NBEA: variants seen among roughly 807,000 people sequenced by gnomAD.
The protein encoded by NBEA is neurobeachin, also known as lysosomal-trafficking regulator 2.
A neutral mutation model predicts 343.4 loss-of-function variants in NBEA; 44 were observed. That is an observed-to-expected ratio of 0.13 (90% CI 0.10 to 0.16). The LOEUF (loss-of-function observed/expected upper bound fraction) is 0.16. Ranked by LOEUF, NBEA falls within the 10% of genes least tolerant of loss-of-function variation. The pLI, the probability that NBEA is intolerant of heterozygous loss-of-function variation, is 1.00. For missense variants in NBEA, 2,555 were observed against 3,631.3 expected (o/e 0.70, Z 7.62); for synonymous variants, 1,175 against 1,238.7 (o/e 0.95, Z 1.08).
rs576444176 is a variant in NBEA at position 35,435,232 on chromosome 13, C to T, written c.6304+2839C>T. ...TTCACTGTGTTGGCCAGGCTGGTCT[C>T]GAACTCCTGACCTCAGGTGATCCAC... On this transcript the variant is annotated intron_variant, in intron 39 of 58. Coordinates refer to ENST00000379939, the MANE Select transcript of NBEA (RefSeq NM_001385012.1). 1.6e-3 allele frequency among the ~76,000 whole-genome samples: 242 copies of T among 152,170 alleles called. 1 individual carries two copies. Among genetic ancestry groups the T allele is most frequent in the African/African-American group, 4.4e-3 (183 of 41,536 alleles).
chr13:35,437,955 A>G (rs911256958), intron 39 of NBEA, among the ~76,000 whole-genome samples: 3 of 152,156 alleles, frequency 2.0e-5, no homozygotes, highest in Non-Finnish European at 2.9e-5. Context: ...TTGACTGTCA[A>G]TTATTATTTA....
chr13:35,054,272 A>G (rs867790767), intron 6 of NBEA, among the ~76,000 whole-genome samples: 2 of 152,152 alleles, frequency 1.3e-5, no homozygotes, highest in Non-Finnish European at 2.9e-5. Context: ...TGAAGGTAAT[A>G]TATGCAAACT....
rs113126208 is a variant in NBEA at position 35,300,852 on chromosome 13, C to T, written c.5839-8676C>T. Among the ~76,000 whole-genome samples the T allele has an allele frequency of 6.6e-3, 998 of 152,152 alleles. 9 individuals are homozygous for T. Among genetic ancestry groups the T allele is most frequent in the African/African-American group, 0.023 (960 of 41,518 alleles). On this transcript the variant is annotated intron_variant, in intron 35 of 58. Transcript: ENST00000379939. ...ATAGGATACATTTTTCTTCTCATTC[C>T]GTTTTTTTCTTTATACTTATGCATT...
chr13:35,121,188 T>A (rs1365654229), intron 16 of NBEA, among the ~76,000 whole-genome samples: 1 of 152,078 alleles, frequency 6.6e-6, no homozygotes, highest in Admixed American at 6.6e-5. Flanking sequence ...TATGGCAGCC[T>A]CCACCTCCTG....
intron 40 of NBEA, among the ~76,000 whole-genome samples, chr13:35,463,470 A>T (rs1418813678): frequency 1.3e-5 from 2 of 152,032 alleles, no homozygotes; most frequent in East Asian, 1.9e-4. Context: ...GAAAAAATTT[A>T]AAAAATTAGC....
At chr13:35,561,421 A>G (rs2079850810) in intron 44 of NBEA, among the ~76,000 whole-genome samples, 1 of 152,182 alleles carries the variant, frequency 6.6e-6, no homozygotes, top group Admixed American at 6.5e-5. Flanking sequence ...ATATAGGTCA[A>G]TGTGACCTAA....
intron 45 of NBEA, among the ~76,000 whole-genome samples, chr13:35,574,702 A>G (rs1032419308): frequency 2.0e-5 from 3 of 152,118 alleles, no homozygotes; most frequent in African/African-American, 7.2e-5. Context: ...CCTGAGCAAC[A>G]TAGCCAAACC....
intron 38 of NBEA, among the ~76,000 whole-genome samples, chr13:35,384,728 G>A (rs959768292): frequency 2.6e-5 from 4 of 152,026 alleles, no homozygotes; most frequent in Admixed American, 2.6e-4. Context: ...GTTTCACCAT[G>A]TTGGCCAAGC....
chr13:35,205,327 A>G (rs1038255102), intron 31 of NBEA, among the ~76,000 whole-genome samples: 1 of 152,176 alleles, frequency 6.6e-6, no homozygotes, highest in African/African-American at 2.4e-5. Context: ...CATCTCAGCC[A>G]TTTGAACACA....
chr13:35,651,678 A>T lies in NBEA; in HGVS notation c.7964-127A>T, dbSNP rs2084529809. ...TGTCTACAGAGACACATAGTATCAGAACAATTTATCAAATCATTTTTAAGC... is the reference window on the plus strand; with the variant it reads ...TGTCTACAGAGACACATAGTATCAGTACAATTTATCAAATCATTTTTAAGC... On this transcript the variant is annotated intron_variant, in intron 52 of 58. Transcript: ENST00000379939. 3 of 679,032 alleles carry T rather than the reference A, an allele frequency of 4.4e-6. No individual in the cohort carries two copies. In the East Asian group the frequency reaches 8.2e-5, roughly 19 times the overall value. 42.1% of individuals were successfully genotyped at this position (679,032 alleles called of 1,614,324 possible). A position where few individuals can be genotyped will look rare whatever the true frequency, so the allele number is the denominator to read the frequency against.
At chr13:34,998,818 C>T (rs1484409447) in intron 1 of NBEA, among the ~76,000 whole-genome samples, 1 of 152,146 alleles carries the variant, frequency 6.6e-6, no homozygotes, top group Non-Finnish European at 1.5e-5. Flanking sequence ...AGGCGACATA[C>T]ATCCTCCTCA....
At chr13:35,050,591 G>A (rs2063031006) in intron 6 of NBEA, among the ~76,000 whole-genome samples, 196 bp downstream of exon 6, 1 of 151,610 alleles carries the variant, frequency 6.6e-6, no homozygotes, top group Non-Finnish European at 1.5e-5. Flanking sequence ...GATATCTTGT[G>A]GTGTATTTCT....
intron 36 of NBEA, among the ~76,000 whole-genome samples, chr13:35,325,592 G>A (rs1429714816): frequency 1.3e-5 from 2 of 151,908 alleles, no homozygotes; most frequent in African/African-American, 4.8e-5. Flanking sequence ...AAGCATAGGT[G>A]CAATAATTTT....
At chr13:34,967,417 C>T (rs191861016) in intron 1 of NBEA, among the ~76,000 whole-genome samples, 19 of 151,188 alleles carry the variant, frequency 1.3e-4, no homozygotes, top group African/African-American at 4.4e-4. Flanking sequence ...GCAATAGAAA[C>T]ATACTTTAAG....
At chr13:35,369,709 G>A (rs936190896) in intron 38 of NBEA, among the ~76,000 whole-genome samples, 1 of 151,852 alleles carries the variant, frequency 6.6e-6, no homozygotes, top group South Asian at 2.1e-4. Context: ...TTTATAGCCT[G>A]CAACTTTACT....
intron 8 of NBEA, among the ~76,000 whole-genome samples, chr13:35,068,103 T>A (rs1232512087): frequency 6.6e-6 from 1 of 151,962 alleles, no homozygotes; most frequent in East Asian, 1.9e-4. Context: ...GATAAGAAAA[T>A]TTTCTTCATT....
chr13:35,331,402 T>G (rs1370743421), intron 36 of NBEA, among the ~76,000 whole-genome samples: 1 of 151,950 alleles, frequency 6.6e-6, no homozygotes, highest in Non-Finnish European at 1.5e-5. Flanking sequence ...AAAACTGAAA[T>G]TAAGACATAG....
chr13:35,010,092 GAAGT>G (rs1341427283), intron 1 of NBEA, among the ~76,000 whole-genome samples: 1 of 152,132 alleles, frequency 6.6e-6, no homozygotes, highest in Admixed American at 6.5e-5. Flanking sequence ...GAGATGACAA[GAAGT>G]AAGTTAAATA....
intron 48 of NBEA, among the ~76,000 whole-genome samples, chr13:35,624,551 T>C (rs2083138056): frequency 6.6e-6 from 1 of 152,056 alleles, no homozygotes; most frequent in Non-Finnish European, 1.5e-5. Flanking sequence ...TCTATGCACT[T>C]AATGTAAAAG....
Sources: gnomAD v4.1 joint callset for allele counts (sites outside exome capture counted in the v4.1 genomes callset) on GRCh38, gnomAD v4.1.1 for gene constraint, MANE v1.5 for transcripts, NCBI Gene and HGNC (gene_info 2026-07-23, HGNC 2026-07-21) for gene names.